SP140L: variants seen among roughly 807,000 people sequenced by gnomAD.
SP140L encodes SP140 like nuclear body protein.
In SP140L, 64 loss-of-function variants were observed where a neutral mutation model predicts 84.3. The observed-to-expected ratio is 0.76, with a 90% CI of 0.62 to 0.94. SP140L has a LOEUF of 0.94. SP140L is among the 40% of genes least tolerant of loss of function. SP140L has a pLI of 0.00. For synonymous variants in SP140L, 242 were observed against 236.9 expected (o/e 1.02, Z -0.20); for missense variants, 628 against 692.5 (o/e 0.91, Z 1.05).
At position 230,400,222 on chromosome 2, in the gene SP140L, C is replaced by A; in HGVS notation, c.1293C>A (p.Ile431=). ...GAGTCTTCCATGAGGACTGCCACAT[C>A]CCACCTGTGGAAAGTGAGAAGTAAG... ...CSRVFHEDCH[I]PPVESEKTPW... The change falls in exon 15 of 19, where the codon ATC becomes ATA. Residue 431 remains isoleucine, a synonymous_variant. Coordinates refer to ENST00000415673, the MANE Select transcript of SP140L (RefSeq NM_138402.6). 3.7e-6 allele frequency: 6 copies of A among 1,614,148 alleles called. No homozygotes were observed. The highest frequency in any genetic ancestry group is 2.2e-5 in the South Asian group (2 of 91,076).
At position 230,385,248 on chromosome 2, in the gene SP140L, T is replaced by A. The variant is rs2061536228; in HGVS notation, c.728T>A (p.Leu243Gln). The A allele has an allele frequency of 1.2e-6, 2 of 1,613,784 alleles. No individual in the cohort carries two copies. The highest frequency in any genetic ancestry group is 4.5e-5 in the East Asian group (2 of 44,882). The stretch of plus-strand genomic sequence containing the variant: ...GATAACAGCAAAGCCGATGGCCAGC[T>A]GGTCTCGAGTGAAAAGAAGGCGAAC... Reference protein sequence around the residue: ...QNDNSKADGQLVSSEKKANMN... With the variant: ...QNDNSKADGQQVSSEKKANMN... Residue 243 changes from leucine (L) to glutamine (Q), a missense_variant, in exon 9 of 19, where the codon CTG becomes CAG. Leu to Gln is a moderately radical substitution (Grantham distance 113). Coordinates refer to ENST00000415673, the MANE Select transcript of SP140L (RefSeq NM_138402.6).
In SP140L at chr2:230,357,821, C is replaced by G. The variant is rs761649569; in HGVS notation, c.124C>G (p.Gln42Glu). 2.4e-5 allele frequency: 38 copies of G among 1,611,066 alleles called. No homozygotes were observed. The highest frequency in any genetic ancestry group is 5.1e-5 in the Admixed American group (3 of 59,088). Reference sequence around the variant, plus strand: ...TTTCCTTAGGCTGTTCACGGAAGACCAGGATGTAGATGAGGGACTTGTCTA... The same window carrying G: ...TTTCCTTAGGCTGTTCACGGAAGACGAGGATGTAGATGAGGGACTTGTCTA... ...QSLQRLFTED[Q>E]DVDEGLVYDT... Residue 42 changes from glutamine to glutamate, a missense_variant, in exon 3 of 19, where the codon CAG (glutamine) becomes GAG (glutamate). By Grantham distance (29) the Gln-to-Glu change is conservative (BLOSUM62 2). Transcript: ENST00000415673.
intron 2 of SP140L, among the ~76,000 whole-genome samples, chr2:230,335,733 T>C (rs1315730790): frequency 6.6e-6 from 1 of 152,138 alleles, no homozygotes; most frequent in Non-Finnish European, 1.5e-5. Context: ...GGATCAACAC[T>C]AGGATGATTG....
rs11692602 is a variant in SP140L, at chr2:230,403,445, G to A, written c.*549G>A. ...TCTCGAACTCCTGACCTCATGAGCC[G>A]CCCGCCTTGGCCTCCCAAAGTGCTG... On this transcript the variant is annotated 3_prime_UTR_variant, in exon 19 of 19. Transcript: ENST00000415673. 0.26 allele frequency: 40,269 copies of A among 152,094 alleles called. 5,701 individuals carry two copies. The highest frequency in any genetic ancestry group is 0.31 in the Non-Finnish European group (20,895 of 68,146). The allele number at this position is 152,094 out of a possible 1,614,324, so 9.4% of individuals were successfully genotyped here.
chr2:230,355,779 A>C (rs1165345142), intron 2 of SP140L, among the ~76,000 whole-genome samples: 1 of 152,162 alleles, frequency 6.6e-6, no homozygotes, highest in East Asian at 1.9e-4. Flanking sequence ...AATTCTTCTT[A>C]GTACACTAAA....
intron 5 of SP140L, among the ~76,000 whole-genome samples, chr2:230,362,343 A>G (rs1379312962): frequency 6.6e-6 from 1 of 152,204 alleles, no homozygotes; most frequent in East Asian, 1.9e-4. Context: ...GGAGCAGGGG[A>G]TGAAGACTGA....
In SP140L at chr2:230,382,644, T is replaced by TG. The variant is rs2061445923; in HGVS notation, c.638-862dup. On this transcript the variant is annotated intron_variant, in intron 7 of 18. Coordinates refer to ENST00000415673, the MANE Select transcript of SP140L (RefSeq NM_138402.6). Reference sequence around the variant, plus strand: ...CAGAAGGCTGTGCCTACCAGGCTGATGGGGAAAGAATGAGGCATCATCCCT... The same window carrying TG: ...CAGAAGGCTGTGCCTACCAGGCTGATGGGGGAAAGAATGAGGCATCATCCCT... 3.3e-5 allele frequency among the ~76,000 whole-genome samples: 5 copies of TG among 152,282 alleles called. No individual in the cohort carries two copies. The South Asian group carries it at 1.0e-3, about 32-fold the overall frequency.
At position 230,402,131 on chromosome 2, in the gene SP140L, G is replaced by C. The variant is rs146725771; in HGVS notation, c.1644+324G>C. On this transcript the variant is annotated intron_variant, in intron 18 of 18. Coordinates refer to ENST00000415673, the MANE Select transcript of SP140L (RefSeq NM_138402.6). ...GAGAATTTCATCTTAAAGTGGTATTGTGCTTCTTATCTGCTCCCAATCCCA... is the reference window on the plus strand; with the variant it reads ...GAGAATTTCATCTTAAAGTGGTATTCTGCTTCTTATCTGCTCCCAATCCCA... 1.8e-4 allele frequency among the ~76,000 whole-genome samples: 27 copies of C among 152,298 alleles called. 2 individuals are homozygous for C. In the East Asian group the frequency reaches 5.2e-3, roughly 29 times the overall value.
At position 230,393,526 on chromosome 2, in the gene SP140L, A is replaced by AT. The variant is rs922313303; in HGVS notation, c.1155+69dup. 140 of 1,473,136 alleles carry AT rather than the reference A, an allele frequency of 9.5e-5. 2 individuals are homozygous for AT. The African/African-American group carries it at 1.7e-3, about 17-fold the overall frequency. The allele number at this position is 1,473,136 out of a possible 1,614,324, so 91.3% of individuals were successfully genotyped here. On this transcript the variant is annotated intron_variant, in intron 13 of 18. Transcript: ENST00000415673. Reference sequence around the variant, plus strand: ...ACAGATTTAACATGTACAACATCTTATTTTATGGAGTCTCCAATTGGGTAA... The same window carrying AT: ...ACAGATTTAACATGTACAACATCTTATTTTTATGGAGTCTCCAATTGGGTAA...
intron 2 of SP140L, among the ~76,000 whole-genome samples, chr2:230,355,890 A>C (rs988367734): frequency 6.6e-6 from 1 of 152,190 alleles, no homozygotes; most frequent in Non-Finnish European, 1.5e-5. Flanking sequence ...GGGAAGCTAC[A>C]GACTGGGTGA....
At chr2:230,357,995 C>A (rs375413950) in intron 3 of SP140L, 28 bp downstream of exon 3, 99 of 1,608,770 alleles carry the variant, frequency 6.2e-5, no homozygotes, top group Non-Finnish European at 7.7e-5. Context: ...CACAACCTGG[C>A]AGATATGCTT....
intron 12 of SP140L, 43 bp downstream of exon 12, chr2:230,392,272 G>T (rs1464058237): frequency 1.9e-6 from 3 of 1,604,860 alleles, no homozygotes. Flanking sequence ...CATTCTTCTT[G>T]TTCCCTAATA....
At chr2:230,364,928 C>A (rs977309938) in intron 5 of SP140L, among the ~76,000 whole-genome samples, 11 of 151,996 alleles carry the variant, frequency 7.2e-5, no homozygotes, top group African/African-American at 2.7e-4. Context: ...TCTATTAATG[C>A]AACGTATGAC....
intron 5 of SP140L, among the ~76,000 whole-genome samples, chr2:230,362,972 G>A (rs529306133): frequency 1.3e-5 from 2 of 152,258 alleles, no homozygotes; most frequent in Non-Finnish European, 2.9e-5. Flanking sequence ...CAGAAAATGT[G>A]AACAGATGTG....
At chr2:230,328,457 G>C (rs1458144583) in intron 1 of SP140L, among the ~76,000 whole-genome samples, 1 of 152,044 alleles carries the variant, frequency 6.6e-6, no homozygotes, top group Non-Finnish European at 1.5e-5. Context: ...TCATTTTAAT[G>C]GTGGAAATCT....
At chr2:230,339,160 G>GCCACA (rs1371520830) in intron 2 of SP140L, among the ~76,000 whole-genome samples, 2 of 151,316 alleles carry the variant, frequency 1.3e-5, no homozygotes, top group Non-Finnish European at 2.9e-5. Flanking sequence ...ATTGATTATT[G>GCCACA]CCACAATTTC....
intron 2 of SP140L, among the ~76,000 whole-genome samples, chr2:230,333,595 G>A (rs952110564): frequency 2.6e-5 from 4 of 151,880 alleles, no homozygotes; most frequent in Admixed American, 6.6e-5. Flanking sequence ...TTAGTTCTCC[G>A]GGGTCCTTTC....
chr2:230,358,849 T>G, intron 3 of SP140L, 115 bp from the exon 4 acceptor site: 2 of 820,902 alleles, frequency 2.4e-6, no homozygotes, highest in Non-Finnish European at 3.7e-6. Flanking sequence ...AAACTTTACA[T>G]GAGAAGATAC....
intron 2 of SP140L, among the ~76,000 whole-genome samples, chr2:230,336,315 C>A (rs1183858377): frequency 6.6e-6 from 1 of 152,192 alleles, no homozygotes; most frequent in Admixed American, 6.5e-5. Context: ...TGTGCCTAAT[C>A]TAGAACGTCT....
Sources: allele counts gnomAD v4.1 joint callset (sites outside exome capture counted in the v4.1 genomes callset), GRCh38; gene constraint gnomAD v4.1.1; transcripts MANE v1.5; gene names NCBI Gene and HGNC (gene_info 2026-07-23, HGNC 2026-07-21).